ATP11C: variants seen among roughly 807,000 people sequenced by gnomAD.
ATP11C encodes the protein phospholipid-transporting ATPase IG.
In ATP11C, 36 loss-of-function variants were observed where a neutral mutation model predicts 97.4. The observed-to-expected ratio is 0.37, with a 90% CI of 0.28 to 0.49. The LOEUF (loss-of-function observed/expected upper bound fraction) is 0.49, where lower values mean the gene tolerates loss of function less well. Among genes scored for constraint, ATP11C ranks in the 20% least tolerant of loss-of-function variants. ATP11C has a pLI of 0.98. For missense variants in ATP11C, 730 were observed against 824.6 expected (o/e 0.89, Z 1.40); for synonymous variants, 275 against 290.9 (o/e 0.95, Z 0.56).
At chrX:139,918,537 G>A (rs1321386854) in intron 1 of ATP11C, among the ~76,000 whole-genome samples, 1 of 86,454 alleles carries the variant, frequency 1.2e-5, no homozygotes, top group Admixed American at 1.3e-4. Context: ...CAGGAGAATT[G>A]CTTGAACCCG....
chrX:139,769,907 G>A (rs1180782641), intron 19 of ATP11C, among the ~76,000 whole-genome samples: 1 of 111,820 alleles, frequency 8.9e-6, no homozygotes, highest in Non-Finnish European at 1.9e-5. Context: ...TTCTATAGAC[G>A]AAGCTTTGAG....
At chrX:139,737,045 T>C (rs188857679) in intron 28 of ATP11C, among the ~76,000 whole-genome samples, 4 of 110,833 alleles carry the variant, frequency 3.6e-5, no homozygotes, top group African/African-American at 1.3e-4. Context: ...CAGGTAGTCA[T>C]AGCTTAGAAT....
At chrX:139,910,986 G>A (rs947121654) in intron 1 of ATP11C, among the ~76,000 whole-genome samples, 3 of 111,497 alleles carry the variant, frequency 2.7e-5, no homozygotes, top group African/African-American at 9.8e-5. Flanking sequence ...GACCTGAAAA[G>A]TGAGGCTCAA....
rs2081271281 is a variant in ATP11C at position 139,727,500 on chromosome X, T to C, written c.*1466A>G. 1 of 111,442 alleles carries C rather than the reference T, an allele frequency of 9.0e-6. No individual in the cohort carries two copies. Among genetic ancestry groups the C allele is most frequent in the Non-Finnish European group, 1.9e-5 (1 of 52,939 alleles). 9.2% of individuals were successfully genotyped at this position (111,442 alleles called of 1,213,427 possible). A position where few individuals can be genotyped will look rare whatever the true frequency, so the allele number is the denominator to read the frequency against. ...TGATAACTGAAATTATGTTCTTTTC[T>C]AGAATTTAGAAAAAAATCATACCTA... On this transcript the variant is annotated 3_prime_UTR_variant, in exon 30 of 30. Transcript: ENST00000682941.
chrX:139,774,683 T>C lies in ATP11C; in HGVS notation c.2216+7A>G. ...TCTAAATATAAGAAACTGATGTACT[T>C]TCTTACTTTTTAAAGCTTCTAGTAC... On this transcript the variant is annotated splice_region_variant and intron_variant, in intron 19 of 29. Coordinates refer to ENST00000682941, the MANE Select transcript of ATP11C (RefSeq NM_001353812.2). The C allele has an allele frequency of 8.4e-7, 1 of 1,197,099 alleles. No homozygotes were observed. Among genetic ancestry groups the C allele is most frequent in the Non-Finnish European group, 1.1e-6 (1 of 885,345 alleles).
chrX:139,849,696 A>C (rs1308212569), intron 1 of ATP11C, among the ~76,000 whole-genome samples: 1 of 112,507 alleles, frequency 8.9e-6, no homozygotes, highest in Non-Finnish European at 1.9e-5. Context: ...TATCTTACTT[A>C]AACCTCTGCT....
chrX:139,826,572 C>A, intron 2 of ATP11C, 132 bp downstream of exon 2: 1 of 434,507 alleles, frequency 2.3e-6, no homozygotes, highest in Non-Finnish European at 3.7e-6. Flanking sequence ...CTTATTATAG[C>A]TGGTATATGA....
In ATP11C at chrX:139,830,507, C is replaced by T. The variant is rs141608974; in HGVS notation, c.28-3684G>A. 6.2e-3 allele frequency among the ~76,000 whole-genome samples: 693 copies of T among 111,753 alleles called. 7 individuals are homozygous for T. The highest frequency in any genetic ancestry group is 0.021 in the African/African-American group (656 of 30,814). ...AATTTATTTTGCATGTGGTTATCTCCCATCAATTATTCAGATCACTGATAA... is the reference window on the plus strand; with the variant it reads ...AATTTATTTTGCATGTGGTTATCTCTCATCAATTATTCAGATCACTGATAA... On this transcript the variant is annotated intron_variant, in intron 1 of 29. Coordinates refer to ENST00000682941, the MANE Select transcript of ATP11C (RefSeq NM_001353812.2).
intron 1 of ATP11C, chrX:139,832,392 A>T: frequency 1.2e-6 from 1 of 861,215 alleles, no homozygotes; most frequent in Non-Finnish European, 1.5e-6. Flanking sequence ...ATTCCTTAAG[A>T]GCTCAAAGCA....
intron 27 of ATP11C, 117 bp downstream of exon 27, chrX:139,740,874 G>C (rs967488337): frequency 4.5e-6 from 2 of 442,678 alleles, no homozygotes; most frequent in Admixed American, 4.0e-5. Flanking sequence ...TATTAAAGAC[G>C]TGTCATCTTA....
In ATP11C at chrX:139,897,179, T is replaced by C. The variant is rs1251715207; in HGVS notation, c.27+34837A>G. ...AGGCCAAGGTAGCAGTAAGCCGAGA[T>C]TGGGCCACTGCACTCCAGCCTGAGA... On this transcript the variant is annotated intron_variant, in intron 1 of 29. Coordinates refer to ENST00000682941, the MANE Select transcript of ATP11C (RefSeq NM_001353812.2). Among the ~76,000 whole-genome samples, 7 of 110,649 alleles carry C rather than the reference T, an allele frequency of 6.3e-5. No individual in the cohort carries two copies. In the South Asian group the frequency reaches 1.6e-3, roughly 25 times the overall value.
At chrX:139,902,533 C>A (rs1233026755) in intron 1 of ATP11C, among the ~76,000 whole-genome samples, 5 of 111,568 alleles carry the variant, frequency 4.5e-5, no homozygotes, top group Non-Finnish European at 9.4e-5. Flanking sequence ...ATGCAATGGC[C>A]CTAGGACCAG....
intron 1 of ATP11C, among the ~76,000 whole-genome samples, chrX:139,847,908 T>C (rs1407461580): frequency 1.8e-5 from 2 of 111,055 alleles, no homozygotes; most frequent in Non-Finnish European, 1.9e-5. Flanking sequence ...CCCTTGCTTA[T>C]AGAGTCTATT....
chrX:139,756,861 A>C (rs904541149), intron 23 of ATP11C, among the ~76,000 whole-genome samples: 4 of 108,339 alleles, frequency 3.7e-5, no homozygotes, highest in Non-Finnish European at 5.7e-5. Context: ...AAAGCTACCT[A>C]TCAGGTACTA....
rs111530075 is a variant in ATP11C at position 139,778,785 on chromosome X, C to T, written c.1952+3762G>A. On this transcript the variant is annotated intron_variant, in intron 18 of 29. Coordinates refer to ENST00000682941, the MANE Select transcript of ATP11C (RefSeq NM_001353812.2). The stretch of plus-strand genomic sequence containing the variant: ...GCGAAGTTGCAGTGAGCCAGGATTG[C>T]GCCGCTGCACTCTAGCCTGGGCAAC... 3.0e-3 allele frequency among the ~76,000 whole-genome samples: 331 copies of T among 111,354 alleles called. 2 individuals carry two copies. The highest frequency in any genetic ancestry group is 9.0e-3 in the African/African-American group (276 of 30,631).
At chrX:139,738,135 A>T (rs1293285836) in intron 27 of ATP11C, 66 bp from the exon 28 acceptor site, 1 of 917,992 alleles carries the variant, frequency 1.1e-6, no homozygotes, top group African/African-American at 2.0e-5. Flanking sequence ...ATGGACATTT[A>T]ATTAAAATGT....
At chrX:139,806,639 G>A (rs2083049676) in intron 5 of ATP11C, among the ~76,000 whole-genome samples, 1 of 111,520 alleles carries the variant, frequency 9.0e-6, no homozygotes, top group Non-Finnish European at 1.9e-5. Context: ...CTACAAGCCT[G>A]AGAGACAAGA....
chrX:139,769,321 T>C (rs1445279357), intron 19 of ATP11C, among the ~76,000 whole-genome samples: 6 of 76,176 alleles, frequency 7.9e-5, no homozygotes, highest in African/African-American at 3.0e-4. Context: ...TATATATATA[T>C]ATATATTCTT....
chrX:139,877,310 T>G (rs190542999), intron 1 of ATP11C, among the ~76,000 whole-genome samples: 1 of 112,574 alleles, frequency 8.9e-6, no homozygotes, highest in Admixed American at 9.4e-5. Flanking sequence ...GCAATTAACA[T>G]TTATGACCAA....
Sources: allele counts gnomAD v4.1 joint callset (sites outside exome capture counted in the v4.1 genomes callset), GRCh38; gene constraint gnomAD v4.1.1; transcripts MANE v1.5; gene names NCBI Gene and HGNC (gene_info 2026-07-23, HGNC 2026-07-21).